The following ZNF626 variants were observed in gnomAD, a reference collection of about 807,000 sequenced individuals.
ZNF626 encodes zinc finger protein 626.
In ZNF626, 4 loss-of-function variants were observed where a neutral mutation model predicts 11.7. That is an observed-to-expected ratio of 0.34 (90% confidence interval 0.17 to 0.78). The LOEUF is 0.78. ZNF626 is among the 30% of genes least tolerant of loss of function. The pLI, the probability that ZNF626 is intolerant of heterozygous loss-of-function variation, is 0.57. For synonymous variants in ZNF626, 179 were observed against 198.6 expected (o/e 0.90, Z 0.83); for missense variants, 588 against 587.1 (o/e 1.00, Z -0.01).
intron 3 of ZNF626, chr19:20,645,300 C>CAA (rs34588720): frequency 0.26 from 392,881 of 1,533,420 alleles, 55,313 homozygotes; most frequent in African/African-American, 0.53. Context: ...AGATCTGATG[C>CAA]AAAGAGAACT....
chr19:20,649,754 C>T (rs546834570), intron 1 of ZNF626, among the ~76,000 whole-genome samples: 1 of 152,326 alleles, frequency 6.6e-6, no homozygotes, highest in Admixed American at 6.5e-5. Flanking sequence ...TAATGTGACT[C>T]TGGAGGTTTG....
At chr19:20,661,236 G>A (rs1412218715) in intron 1 of ZNF626, among the ~76,000 whole-genome samples, 1 of 151,820 alleles carries the variant, frequency 6.6e-6, no homozygotes, top group Admixed American at 6.6e-5. Context: ...TAGTCACCGC[G>A]CAGTGAAGAG....
At chr19:20,645,501 C>A in intron 3 of ZNF626, 183 bp downstream of exon 3, 2 of 1,578,456 alleles carry the variant, frequency 1.3e-6, no homozygotes, top group Non-Finnish European at 1.7e-6. Flanking sequence ...ACAGAAGATG[C>A]CCCTTTGTAA....
intron 1 of ZNF626, among the ~76,000 whole-genome samples, chr19:20,654,300 G>A (rs1020938848): frequency 6.6e-6 from 1 of 152,034 alleles, no homozygotes; most frequent in Non-Finnish European, 1.5e-5. Context: ...AAAATTAGCC[G>A]GACCTGGTGG....
Position 20,645,776 on chromosome 19 carries a change from AT to A in ZNF626, c.133del (p.Ile45LeufsTer8), listed in dbSNP as rs1970070862. 2.5e-6 allele frequency: 4 copies of A among 1,600,644 alleles called. No homozygotes were observed. In the South Asian group the frequency reaches 4.5e-5, roughly 18 times the overall value. The part of the protein sequence containing the change: ...ENYSNLVFLG[I>X]TVSKPDLITC... ...GATCAGGTCTGGCTTAGAAACAGTAATACCTGTTTTATTAAAAATAAATAAC... is the reference window on the plus strand; with the variant it reads ...GATCAGGTCTGGCTTAGAAACAGTAAACCTGTTTTATTAAAAATAAATAAC... On this transcript the variant is annotated frameshift_variant and splice_region_variant, in exon 3 of 4. Coordinates refer to ENST00000601440, the MANE Select transcript of ZNF626 (RefSeq NM_001076675.3). LOFTEE classifies it high-confidence loss of function.
At chr19:20,629,264 G>A (rs1555770116) in intron 3 of ZNF626, among the ~76,000 whole-genome samples, 5 of 116,898 alleles carry the variant, frequency 4.3e-5, no homozygotes, top group African/African-American at 1.7e-4. Context: ...TTGGGGATGC[G>A]GGCTCTTTTT....
chr19:20,640,235 AAATT>A (rs1243487789), intron 3 of ZNF626, among the ~76,000 whole-genome samples: 1 of 48,284 alleles, frequency 2.1e-5, no homozygotes, highest in Non-Finnish European at 3.5e-5. Context: ...TTAAATAATT[AAATT>A]ATTAATTTTA....
At chr19:20,628,531 T>G (rs1277118440) in intron 3 of ZNF626, among the ~76,000 whole-genome samples, 28 of 152,254 alleles carry the variant, frequency 1.8e-4, no homozygotes, top group Non-Finnish European at 2.9e-4. Flanking sequence ...TGATGGCCAG[T>G]AATTATCAGC....
chr19:20,622,813 A>G lies in ZNF626; in HGVS notation c.*1477T>C, dbSNP rs1404180691. ...TCTGTAAATTCTGATATTTACATAC[A>G]ATTAATTTTGAATTAAATATTTTTT... On this transcript the variant is annotated 3_prime_UTR_variant, in exon 4 of 4. Coordinates refer to ENST00000601440, the MANE Select transcript of ZNF626 (RefSeq NM_001076675.3). 6.6e-6 allele frequency: 1 copy of G among 152,130 alleles called. No individual in the cohort carries two copies. Among genetic ancestry groups the G allele is most frequent in the African/African-American group, 2.4e-5 (1 of 41,458 alleles). The allele number at this position is 152,130 out of a possible 1,614,324, so 9.4% of individuals were successfully genotyped here.
At chr19:20,661,003 A>G (rs1324738444) in intron 1 of ZNF626, among the ~76,000 whole-genome samples, 2 of 152,202 alleles carry the variant, frequency 1.3e-5, no homozygotes, top group Non-Finnish European at 2.9e-5. Context: ...TCGGCCTCCC[A>G]AAACGTTGGG....
intron 3 of ZNF626, among the ~76,000 whole-genome samples, chr19:20,636,543 A>T (rs1969967367): frequency 1.3e-5 from 2 of 151,984 alleles, no homozygotes; most frequent in Non-Finnish European, 2.9e-5. Context: ...AGTAATACAG[A>T]GGTTACTTGA....
chr19:20,657,236 CATGGT>C (rs1487411670), intron 1 of ZNF626, among the ~76,000 whole-genome samples: 3 of 151,786 alleles, frequency 2.0e-5, no homozygotes, highest in Non-Finnish European at 4.4e-5. Context: ...ATTGGCCAGG[CATGGT>C]AATGCATACG....
intron 3 of ZNF626, among the ~76,000 whole-genome samples, chr19:20,633,081 C>A: frequency 6.6e-6 from 1 of 152,118 alleles, no homozygotes; most frequent in Non-Finnish European, 1.5e-5. Flanking sequence ...GTATCAGCAG[C>A]GGTGGCTGCA....
intron 1 of ZNF626, among the ~76,000 whole-genome samples, chr19:20,655,190 T>G (rs1970191969): frequency 1.3e-5 from 2 of 152,152 alleles, no homozygotes; most frequent in Non-Finnish European, 2.9e-5. Context: ...TGCTCTGAAA[T>G]AATAAACAGA....
intron 3 of ZNF626, among the ~76,000 whole-genome samples, chr19:20,637,040 G>GAAACC (rs1969974161): frequency 2.5e-4 from 22 of 87,562 alleles, no homozygotes; most frequent in East Asian, 1.9e-3. Flanking sequence ...AAAAAAAAAG[G>GAAACC]CCCAGTGCAA....
intron 3 of ZNF626, among the ~76,000 whole-genome samples, chr19:20,630,451 T>A (rs1969890192): frequency 6.6e-6 from 1 of 152,224 alleles, no homozygotes; most frequent in African/African-American, 2.4e-5. Flanking sequence ...TTGCCTCAAT[T>A]TCAGCTCCTA....
At chr19:20,659,011 A>C (rs1481264787) in intron 1 of ZNF626, among the ~76,000 whole-genome samples, 1 of 152,236 alleles carries the variant, frequency 6.6e-6, no homozygotes, top group Non-Finnish European at 1.5e-5. Flanking sequence ...GCATAGAACA[A>C]AGAGATGGGG....
chr19:20,648,957 A>T (rs1555772247), intron 1 of ZNF626, among the ~76,000 whole-genome samples: 1 of 152,234 alleles, frequency 6.6e-6, no homozygotes, highest in African/African-American at 2.4e-5. Context: ...ACTCTTGACT[A>T]TCGTAAGAAT....
intron 3 of ZNF626, among the ~76,000 whole-genome samples, chr19:20,634,342 A>G (rs1555770725): frequency 1.3e-5 from 2 of 152,250 alleles, no homozygotes. Context: ...CCTCGACAAC[A>G]TCAGGATACA....
Sources: gnomAD v4.1 joint callset for allele counts (sites outside exome capture counted in the v4.1 genomes callset) on GRCh38, gnomAD v4.1.1 for gene constraint, MANE v1.5 for transcripts, NCBI Gene and HGNC (gene_info 2026-07-23, HGNC 2026-07-21) for gene names.